Variants in STK3 observed in about 807,000 individuals in gnomAD.
The protein encoded by STK3 is serine/threonine kinase 3, also known as serine/threonine-protein kinase 3.
A neutral mutation model predicts 58.0 loss-of-function variants in STK3; 41 were observed. The ratio of observed to expected loss-of-function variants is 0.71; its 90% CI spans 0.55 to 0.92. The LOEUF is 0.92. Ranked by LOEUF, STK3 falls within the 40% of genes least tolerant of loss-of-function variation. The probability of loss-of-function intolerance (pLI) is 0.00; values close to 1 mark genes in which losing one functional copy is unlikely to be tolerated. For synonymous variants in STK3, 170 were observed against 191.0 expected (o/e 0.89, Z 0.91); for missense variants, 479 against 602.7 (o/e 0.79, Z 2.15).
chr8:98,647,495 T>C (rs1348607117), intron 6 of STK3, among the ~76,000 whole-genome samples: 1 of 152,210 alleles, frequency 6.6e-6, no homozygotes, highest in Non-Finnish European at 1.5e-5. Flanking sequence ...AAAATTTGAA[T>C]ACATGAAAAT....
rs892751471 is a variant in STK3 at position 98,621,187 on chromosome 8, G to A, written c.685-25018C>T. On this transcript the variant is annotated intron_variant, in intron 6 of 10. Coordinates refer to ENST00000419617, the MANE Select transcript of STK3 (RefSeq NM_006281.4). ...GATCTCCTGACCTCGTGATCCGCCC[G>A]CCTCGGCCTCCCAAAGTGCTGGGAT... Among the ~76,000 whole-genome samples the A allele has an allele frequency of 5.3e-5, 8 of 152,220 alleles. No individual in the cohort carries two copies. The East Asian group carries it at 1.4e-3, about 26-fold the overall frequency.
At chr8:98,405,534 G>C (rs567341422) in intron 3 of STK3, among the ~76,000 whole-genome samples, 1 of 152,214 alleles carries the variant, frequency 6.6e-6, no homozygotes, top group South Asian at 2.1e-4. Context: ...TAACTTAATT[G>C]GAAGGATGCC....
At chr8:98,646,397 ATTGT>A (rs1454221955) in intron 6 of STK3, among the ~76,000 whole-genome samples, 2 of 152,118 alleles carry the variant, frequency 1.3e-5, no homozygotes, top group East Asian at 1.9e-4. Flanking sequence ...TATCTATTCA[ATTGT>A]TTAATTGTAT....
intron 6 of STK3, among the ~76,000 whole-genome samples, chr8:98,643,479 T>C (rs1333372505): frequency 6.6e-6 from 1 of 152,178 alleles, no homozygotes; most frequent in Non-Finnish European, 1.5e-5. Context: ...CTTCAGTCTT[T>C]AGCTTAGATA....
At chr8:98,613,765 T>C (rs1817399892) in intron 6 of STK3, among the ~76,000 whole-genome samples, 1 of 152,114 alleles carries the variant, frequency 6.6e-6, no homozygotes, top group Non-Finnish European at 1.5e-5. Flanking sequence ...AAAAGGTAGA[T>C]TTTAAAATGC....
chr8:98,720,838 A>C (rs985083572), intron 4 of STK3, among the ~76,000 whole-genome samples: 1 of 152,138 alleles, frequency 6.6e-6, no homozygotes, highest in African/African-American at 2.4e-5. Context: ...ATTAAAGCAA[A>C]TGTCTAATTA....
chr8:98,449,574 G>A (rs1484144374), intron 1 of STK3, among the ~76,000 whole-genome samples: 2 of 152,036 alleles, frequency 1.3e-5, no homozygotes, highest in South Asian at 2.1e-4. Context: ...TTTCCTGATG[G>A]GTCATCACAA....
chr8:98,561,476 T>G (rs892579348), intron 8 of STK3, among the ~76,000 whole-genome samples: 3 of 152,034 alleles, frequency 2.0e-5, no homozygotes. Context: ...AAAAGCATGA[T>G]CCATGGAAAA....
At chr8:98,577,455 C>A (rs183562868) in intron 8 of STK3, among the ~76,000 whole-genome samples, 186 of 152,210 alleles carry the variant, frequency 1.2e-3, no homozygotes, top group Non-Finnish European at 2.5e-3. Flanking sequence ...CCACTGCAAT[C>A]CAGCCTGGGC....
At chr8:98,625,272 AC>A (rs1441164998) in intron 6 of STK3, among the ~76,000 whole-genome samples, 1 of 152,102 alleles carries the variant, frequency 6.6e-6, no homozygotes, top group Non-Finnish European at 1.5e-5. Flanking sequence ...CTTCCACTGT[AC>A]CCTCTCTCCG....
chr8:98,738,824 T>C (rs1828883174), intron 4 of STK3, among the ~76,000 whole-genome samples: 1 of 152,166 alleles, frequency 6.6e-6, no homozygotes, highest in South Asian at 2.1e-4. Flanking sequence ...GTTCAGGGAG[T>C]TCCCTTTCCT....
chr8:98,722,237 C>T (rs1163475273), intron 4 of STK3, among the ~76,000 whole-genome samples: 1 of 152,090 alleles, frequency 6.6e-6, no homozygotes, highest in East Asian at 1.9e-4. Flanking sequence ...CCTTCCACTA[C>T]AATAAGAAAA....
At chr8:98,754,110 T>C (rs1830142977) in intron 3 of STK3, among the ~76,000 whole-genome samples, 1 of 152,190 alleles carries the variant, frequency 6.6e-6, no homozygotes, top group Admixed American at 6.5e-5. Flanking sequence ...ATACCTTAAA[T>C]TTCCAGACAC....
At chr8:98,904,573 C>A (rs530546109) in intron 1 of STK3, 8 of 550,850 alleles carry the variant, frequency 1.5e-5, no homozygotes, top group South Asian at 8.9e-5. Context: ...AGGGTTCAGT[C>A]AGCAATTATT....
chr8:98,735,640 CAGG>C (rs1828519896), intron 4 of STK3, among the ~76,000 whole-genome samples: 1 of 152,124 alleles, frequency 6.6e-6, no homozygotes, highest in Admixed American at 6.5e-5. Context: ...CATTAGAATA[CAGG>C]AGTTTTACCT....
intron 8 of STK3, among the ~76,000 whole-genome samples, chr8:98,563,259 G>A (rs1396576048): frequency 6.6e-6 from 1 of 152,092 alleles, no homozygotes; most frequent in East Asian, 1.9e-4. Context: ...CTTAGTAAAT[G>A]AATGATAGGA....
At chr8:98,464,561 A>C (rs868807299) in intron 10 of STK3, among the ~76,000 whole-genome samples, 1 of 149,036 alleles carries the variant, frequency 6.7e-6, no homozygotes, top group Non-Finnish European at 1.5e-5. Context: ...AAAAAAAAAA[A>C]AAAGAAAGAA....
intron 1 of STK3, among the ~76,000 whole-genome samples, chr8:98,923,874 C>T (rs1018973024): frequency 1.1e-3 from 154 of 144,404 alleles, no homozygotes; most frequent in Admixed American, 5.5e-3. Flanking sequence ...CGCGCGCGCG[C>T]GCGTTGACAA....
At chr8:98,846,911 C>T (rs1587741790) in intron 3 of STK3, among the ~76,000 whole-genome samples, 1 of 151,716 alleles carries the variant, frequency 6.6e-6, no homozygotes, top group East Asian at 1.9e-4. Context: ...TAAAAAGTGC[C>T]CCCCCATGAC....
Sources: allele counts gnomAD v4.1 joint callset (sites outside exome capture counted in the v4.1 genomes callset), GRCh38; gene constraint gnomAD v4.1.1; transcripts MANE v1.5; gene names NCBI Gene and HGNC (gene_info 2026-07-23, HGNC 2026-07-21).